The following MGA variants were observed in gnomAD, a reference collection of about 807,000 sequenced individuals.
MGA encodes the protein MAX dimerization protein MGA.
MGA carries 40 observed loss-of-function variants against 261.1 expected under a neutral mutation model. The observed-to-expected ratio is 0.15, with a 90% CI of 0.12 to 0.20. MGA has a LOEUF of 0.20. MGA is among the 10% of genes least tolerant of loss of function. MGA has a pLI of 1.00. For synonymous variants in MGA, 1,302 were observed against 1,290.6 expected, an observed-to-expected ratio of 1.01 and a Z score of -0.19; for missense variants, 3,397 against 3,630.5, an observed-to-expected ratio of 0.94 and a Z score of 1.65.
intron 5 of MGA, among the ~76,000 whole-genome samples, chr15:41,701,698 A>G (rs2059862889): frequency 6.6e-6 from 1 of 152,152 alleles, no homozygotes; most frequent in South Asian, 2.1e-4. Flanking sequence ...TGGAGTGGCT[A>G]TGTGATGTCT....
At chr15:41,622,380 A>T (rs574837542) in intron 1 of MGA, among the ~76,000 whole-genome samples, 5 of 152,184 alleles carry the variant, frequency 3.3e-5, no homozygotes, top group African/African-American at 1.2e-4. Context: ...AAAAATTATA[A>T]TGAGACAACC....
rs2063873708 is a variant in MGA, at chr15:41,767,819, A to C, written c.*539A>C. On this transcript the variant is annotated 3_prime_UTR_variant, in exon 24 of 24. Coordinates refer to ENST00000219905, the MANE Select transcript of MGA (RefSeq NM_001164273.2). The stretch of plus-strand genomic sequence containing the variant: ...CAAAGTGAAGGACTTTGTGTCATTC[A>C]GTAAAATTTTCTTTTTTCATATCCT... 6.5e-6 allele frequency: 1 copy of C among 153,160 alleles called. No individual in the cohort carries two copies. Among genetic ancestry groups the C allele is most frequent in the Admixed American group, 6.5e-5 (1 of 15,332 alleles). 9.5% of individuals were successfully genotyped at this position (153,160 alleles called of 1,614,324 possible).
chr15:41,713,582 C>T, intron 9 of MGA, 86 bp downstream of exon 9: 6 of 1,387,992 alleles, frequency 4.3e-6, no homozygotes, highest in Non-Finnish European at 5.7e-6. Flanking sequence ...CTACCTTAAT[C>T]CCGATCAATT....
At chr15:41,647,876 A>G (rs895780304) in intron 1 of MGA, among the ~76,000 whole-genome samples, 2 of 152,218 alleles carry the variant, frequency 1.3e-5, no homozygotes, top group Admixed American at 1.3e-4. Context: ...AGAAAAGTAC[A>G]TCGCATACTA....
chr15:41,661,980 C>T (rs1024384247), intron 1 of MGA, among the ~76,000 whole-genome samples: 7 of 152,016 alleles, frequency 4.6e-5, no homozygotes, highest in Admixed American at 6.6e-5. Context: ...TCACGTGGTT[C>T]TTGGCCAGCT....
At chr15:41,670,753 G>A (rs112343487) in intron 2 of MGA, among the ~76,000 whole-genome samples, 5 of 152,130 alleles carry the variant, frequency 3.3e-5, no homozygotes, top group Non-Finnish European at 5.9e-5. Flanking sequence ...TGATCTGCCC[G>A]CCTCGGCCTC....
intron 11 of MGA, 57 bp downstream of exon 11, chr15:41,729,406 A>G: frequency 6.7e-7 from 1 of 1,485,784 alleles, no homozygotes; most frequent in Non-Finnish European, 9.2e-7. Context: ...TTTTGGTATT[A>G]AGATTTGTAT....
rs1358024039 is a variant in MGA at position 41,711,021 on chromosome 15, T to C, written c.2756T>C (p.Leu919Ser). 2 of 1,614,042 alleles carry C rather than the reference T, an allele frequency of 1.2e-6. No individual in the cohort carries two copies. Among genetic ancestry groups the C allele is most frequent in the South Asian group, 1.1e-5 (1 of 91,090 alleles). ...ACTAAATCATCTTATAAATCCATTT[T>C]ACCATACCCTGTTTCACCAAAGCAG... is the stretch of plus-strand genomic sequence containing the variant. The change falls in exon 8 of 24, where the codon TTA becomes TCA. Residue 919 changes from leucine (L) to serine (S), a missense_variant. By Grantham distance (145) the Leu-to-Ser change is moderately radical. Around this residue, in one of 9 missense-constraint regions of MGA, gnomAD observed 519 missense variants for 554.1 expected, o/e 0.94. Transcript: ENST00000219905.
Position 41,766,811 on chromosome 15 carries a change from C to T in MGA, c.8729C>T (p.Ser2910Phe). The change falls in exon 24 of 24, where the codon TCT (serine) becomes TTT (phenylalanine). Residue 2910 changes from serine to phenylalanine, a missense_variant. Transcript: ENST00000219905. ...TTGCACTTGGAAGACGATGACTTTT[C>T]TGAGAATGAAAAACAACTTGCAGAA... 6.2e-7 allele frequency: 1 copy of T among 1,613,984 alleles called. No individual in the cohort carries two copies. Among genetic ancestry groups the T allele is most frequent in the Non-Finnish European group, 8.5e-7 (1 of 1,179,890 alleles).
intron 22 of MGA, among the ~76,000 whole-genome samples, chr15:41,763,292 G>A (rs79188592): frequency 0.01 from 1,556 of 150,348 alleles, 61 homozygotes; most frequent in Admixed American, 0.068. Flanking sequence ...TAGTAGAGAC[G>A]GGGTTTCACC....
chr15:41,694,245 A>G (rs1027480225), intron 2 of MGA, among the ~76,000 whole-genome samples: 10 of 152,032 alleles, frequency 6.6e-5, no homozygotes, highest in African/African-American at 2.2e-4. Context: ...GTAAAACCCT[A>G]TCTCTACTAA....
chr15:41,757,768 A>T lies in MGA; in HGVS notation c.7140-20A>T. On this transcript the variant is annotated intron_variant, in intron 18 of 23. Coordinates refer to ENST00000219905, the MANE Select transcript of MGA (RefSeq NM_001164273.2). ...TTATTAAATTTCAGTAAGACACTGA[A>T]AAATCCTGTCTTTATCCAGGTCCTG... is the stretch of plus-strand genomic sequence containing the variant. The T allele has an allele frequency of 1.9e-6, 3 of 1,598,064 alleles. No homozygotes were observed. The highest frequency in any genetic ancestry group is 2.6e-6 in the Non-Finnish European group (3 of 1,168,272).
intron 1 of MGA, among the ~76,000 whole-genome samples, chr15:41,635,159 C>A (rs1330764658): frequency 1.3e-5 from 2 of 151,694 alleles, no homozygotes; most frequent in Non-Finnish European, 2.9e-5. Context: ...CATGGCAAAA[C>A]CCCATCTCTA....
At chr15:41,624,089 G>A (rs905073955) in intron 1 of MGA, among the ~76,000 whole-genome samples, 25 of 147,270 alleles carry the variant, frequency 1.7e-4, no homozygotes, top group Admixed American at 3.4e-4. Flanking sequence ...TTTTTTTTGA[G>A]GGTCTCACTC....
At chr15:41,760,153 G>A in intron 19 of MGA, 170 bp from the exon 20 acceptor site, 2 of 619,006 alleles carry the variant, frequency 3.2e-6, no homozygotes, top group Non-Finnish European at 5.8e-6. Flanking sequence ...CATTGTAAGA[G>A]TTAGATTTGA....
intron 2 of MGA, among the ~76,000 whole-genome samples, chr15:41,686,610 GGTGTAGTTTTT>G (rs1313428748): frequency 1.3e-5 from 2 of 151,954 alleles, no homozygotes; most frequent in African/African-American, 4.8e-5. Flanking sequence ...TAGCATGTTG[GGTGTAGTTTTT>G]GTGTAGTGCT....
chr15:41,746,544 CA>C (rs869061461), intron 15 of MGA, among the ~76,000 whole-genome samples: 3,977 of 61,874 alleles, frequency 0.064, 18 homozygotes, highest in South Asian at 0.087. Context: ...GACTTCGTCT[CA>C]AAAAAAAAAA....
Position 41,745,028 on chromosome 15 carries a change from G to A in MGA, c.5212+1856G>A, listed in dbSNP as rs182613874. ...CGAGTAGCTGGGATTGCAGGTGCCC[G>A]CCACCACGCAGTGGTGTATATTATA... On this transcript the variant is annotated intron_variant, in intron 15 of 23. Coordinates refer to ENST00000219905, the MANE Select transcript of MGA (RefSeq NM_001164273.2). 1.6e-3 allele frequency among the ~76,000 whole-genome samples: 242 copies of A among 152,162 alleles called. 1 individual carries two copies. The highest frequency in any genetic ancestry group is 5.5e-3 in the African/African-American group (229 of 41,534).
intron 2 of MGA, among the ~76,000 whole-genome samples, chr15:41,678,643 T>A (rs1270103708): frequency 6.6e-6 from 1 of 151,546 alleles, no homozygotes; most frequent in African/African-American, 2.4e-5. Context: ...GGCGCACACC[T>A]GTAGTCCCAG....
Sources: allele counts gnomAD v4.1 joint callset (sites outside exome capture counted in the v4.1 genomes callset), GRCh38; gene constraint gnomAD v4.1.1; regional missense constraint gnomAD v4.1.1; transcripts MANE v1.5; gene names NCBI Gene and HGNC (gene_info 2026-07-23, HGNC 2026-07-21).